SEMA3D: variants seen among roughly 807,000 people sequenced by gnomAD.
The protein encoded by SEMA3D is semaphorin 3D.
In SEMA3D, 84 loss-of-function variants were observed where a neutral mutation model predicts 100.1. The observed-to-expected ratio is 0.84, with a 90% confidence interval of 0.70 to 1.01. The LOEUF (loss-of-function observed/expected upper bound fraction) is 1.01. SEMA3D is among the 50% of genes least tolerant of loss of function. The pLI, the probability that SEMA3D is intolerant of heterozygous loss-of-function variation, is 0.00. For synonymous variants in SEMA3D, 312 were observed against 320.7 expected, an observed-to-expected ratio of 0.97 and a Z score of 0.29; for missense variants, 875 against 934.1, an observed-to-expected ratio of 0.94 and a Z score of 0.82.
chr7:85,030,199 AT>A (rs34800712), intron 12 of SEMA3D, among the ~76,000 whole-genome samples: 51,671 of 147,520 alleles, frequency 0.35, 9,029 homozygotes, highest in African/African-American at 0.41. Context: ...TTCACCACCT[AT>A]TTTTTTTTTT....
chr7:85,006,175 A>G (rs1057453634), intron 18 of SEMA3D, among the ~76,000 whole-genome samples: 8 of 151,950 alleles, frequency 5.3e-5, no homozygotes, highest in Admixed American at 2.6e-4. Flanking sequence ...TCTCATATGC[A>G]TTTTGCACTT....
chr7:85,140,863 G>GAAT, intron 2 of SEMA3D: 1 of 805,082 alleles, frequency 1.2e-6, no homozygotes, highest in Non-Finnish European at 1.5e-6. Context: ...AAAAATGGTA[G>GAAT]GTATACAAAA....
In SEMA3D at chr7:85,037,017, A is replaced by G; in HGVS notation, c.1063T>C (p.Ser355Pro). Residue 355 changes from serine to proline, a missense_variant, in exon 12 of 19, where the codon TCT becomes CCT. By Grantham distance (74) the Ser-to-Pro change is moderately conservative. Transcript: ENST00000284136. Reference protein sequence around the residue: ...FTTTSSIFKGSAVCVYSMADI... With the variant: ...FTTTSSIFKGPAVCVYSMADI... ...GCCATGCTATACACACAAACAGCAG[A>G]GCCTTTGAAGATGGAGCTGGAAAAA... 1 of 1,611,414 alleles carries G rather than the reference A, an allele frequency of 6.2e-7. No individual in the cohort carries two copies. Among genetic ancestry groups the G allele is most frequent in the Non-Finnish European group, 8.5e-7 (1 of 1,179,124 alleles).
chr7:85,220,310 G>T, the SEMA3D span, among the ~76,000 whole-genome samples: 1 of 149,024 alleles, frequency 6.7e-6, no homozygotes, highest in African/African-American at 2.5e-5. Flanking sequence ...AATACATATG[G>T]GTGGCAGAGT....
chr7:85,180,636 A>G (rs1791375596), intron 1 of SEMA3D, among the ~76,000 whole-genome samples: 1 of 152,210 alleles, frequency 6.6e-6, no homozygotes, highest in South Asian at 2.1e-4. Flanking sequence ...CTTATTATTT[A>G]TATTTTACAT....
chr7:85,241,614 C>T, the SEMA3D span, among the ~76,000 whole-genome samples: 1 of 150,910 alleles, frequency 6.6e-6, no homozygotes, highest in Non-Finnish European at 1.5e-5. Flanking sequence ...TATGTTCTCA[C>T]TCATAAGTGG....
chr7:85,188,411 C>T (rs1382419405), upstream of SEMA3D, among the ~76,000 whole-genome samples: 2 of 152,106 alleles, frequency 1.3e-5, no homozygotes, highest in Non-Finnish European at 2.9e-5. Flanking sequence ...CAAACTATAG[C>T]AACTTTTATT....
intron 5 of SEMA3D, among the ~76,000 whole-genome samples, chr7:85,075,947 A>T (rs1371034492): frequency 6.6e-6 from 1 of 152,240 alleles, no homozygotes; most frequent in African/African-American, 2.4e-5. Context: ...AGTTTCAAAG[A>T]TTTGTTTAAA....
At chr7:85,205,523 T>C in the SEMA3D span, among the ~76,000 whole-genome samples, 1 of 152,106 alleles carries the variant, frequency 6.6e-6, no homozygotes, top group South Asian at 2.1e-4. Context: ...CCCACCATTT[T>C]CTGTGTTCCT....
At chr7:85,177,039 T>C (rs959818534) in intron 1 of SEMA3D, among the ~76,000 whole-genome samples, 1 of 152,122 alleles carries the variant, frequency 6.6e-6, no homozygotes, top group Non-Finnish European at 1.5e-5. Context: ...CTAGGAGCAA[T>C]AGGCTATACC....
chr7:85,086,628 CTCCGTGT>C (rs1788224118), intron 4 of SEMA3D, among the ~76,000 whole-genome samples: 1 of 145,444 alleles, frequency 6.9e-6, no homozygotes, highest in Admixed American at 6.8e-5. Context: ...CTCTCTCTCT[CTCCGTGT>C]GTGTGTGTGT....
the SEMA3D span, among the ~76,000 whole-genome samples, chr7:85,219,243 A>G: frequency 6.6e-6 from 1 of 152,082 alleles, no homozygotes; most frequent in African/African-American, 2.4e-5. Context: ...GGGAAAAAAA[A>G]GTAAAGAAAA....
intron 2 of SEMA3D, among the ~76,000 whole-genome samples, chr7:85,153,081 T>A (rs1287861812): frequency 2.0e-5 from 3 of 152,174 alleles, no homozygotes; most frequent in African/African-American, 7.2e-5. Flanking sequence ...GCCATTCTCA[T>A]ATGCCAACGT....
At chr7:85,050,923 C>T (rs1791146053) in intron 9 of SEMA3D, among the ~76,000 whole-genome samples, 1 of 151,734 alleles carries the variant, frequency 6.6e-6, no homozygotes, top group Non-Finnish European at 1.5e-5. Context: ...GATCTGGCTC[C>T]AAATGTATGT....
At chr7:85,160,862 G>A (rs767959977) in intron 1 of SEMA3D, among the ~76,000 whole-genome samples, 2 of 152,152 alleles carry the variant, frequency 1.3e-5, no homozygotes, top group Non-Finnish European at 2.9e-5. Context: ...AACTCTGGGG[G>A]AAGAAAGTAT....
At chr7:85,116,295 T>C (rs1789240557) in intron 3 of SEMA3D, among the ~76,000 whole-genome samples, 1 of 146,660 alleles carries the variant, frequency 6.8e-6, no homozygotes, top group Admixed American at 6.9e-5. Context: ...ATATACAATT[T>C]ATATATGTAT....
chr7:85,241,501 C>A, the SEMA3D span, among the ~76,000 whole-genome samples: 63 of 95,798 alleles, frequency 6.6e-4, 3 homozygotes, highest in East Asian at 0.036. Flanking sequence ...ATGAATACTA[C>A]TCAGCAATAA....
chr7:85,116,892 A>C (rs1789259360), intron 3 of SEMA3D, among the ~76,000 whole-genome samples: 1 of 152,088 alleles, frequency 6.6e-6, no homozygotes, highest in Admixed American at 6.6e-5. Context: ...CTTTTATAAA[A>C]AGTAAAAGAT....
At chr7:85,206,573 A>G in the SEMA3D span, among the ~76,000 whole-genome samples, 1 of 152,152 alleles carries the variant, frequency 6.6e-6, no homozygotes, top group South Asian at 2.1e-4. Context: ...GCAAGTGAGA[A>G]GCACATGAAG....
Sources: gnomAD v4.1 joint callset for allele counts (sites outside exome capture counted in the v4.1 genomes callset) on GRCh38, gnomAD v4.1.1 for gene constraint, MANE v1.5 for transcripts, NCBI Gene and HGNC (gene_info 2026-07-23, HGNC 2026-07-21) for gene names.